SYNE2: variants seen among roughly 807,000 people sequenced by gnomAD.
SYNE2 encodes the protein nesprin-2.
A neutral mutation model predicts 856.3 loss-of-function variants in SYNE2; 431 were observed. The observed-to-expected ratio is 0.50, with a 90% CI of 0.47 to 0.55. The LOEUF is 0.55. Ranked by LOEUF, SYNE2 falls within the 20% of genes least tolerant of loss-of-function variation. SYNE2 has a pLI of 0.00. For missense variants in SYNE2, 8,129 were observed against 8,023.2 expected (o/e 1.01, Z -0.50); for synonymous variants, 2,923 against 2,872.3 (o/e 1.02, Z -0.56).
intron 97 of SYNE2, 78 bp from the exon 98 acceptor site, chr14:64,188,472 C>T (rs765980129): frequency 1.5e-4 from 231 of 1,536,432 alleles, no homozygotes; most frequent in Non-Finnish European, 1.9e-4. Flanking sequence ...ATGAATGAAA[C>T]TCAGTTTTTT....
At position 64,053,560 on chromosome 14, in the gene SYNE2, G is replaced by C; in HGVS notation, c.9647G>C (p.Arg3216Thr). 6.2e-7 allele frequency: 1 copy of C among 1,614,202 alleles called. No individual in the cohort carries two copies. Residue 3216 changes from arginine (R) to threonine (T), a missense_variant, in exon 48 of 116, where the codon AGA (arginine) becomes ACA (threonine). Arg to Thr is a moderately conservative substitution (Grantham distance 71). Coordinates refer to ENST00000555002, the MANE Select transcript of SYNE2 (RefSeq NM_182914.3). ...GCTGTGACTGCTATTGAGAAACAAA[G>C]AGAAGAAAACTCTTCTGAAGCGAGT... ...IKAVTAIEKQREENSSEASDV... is the reference protein window; with the variant it reads ...IKAVTAIEKQTEENSSEASDV...
intron 30 of SYNE2, among the ~76,000 whole-genome samples, chr14:64,004,457 G>A (rs1453566050): frequency 1.3e-5 from 2 of 151,906 alleles, no homozygotes; most frequent in Non-Finnish European, 2.9e-5. Context: ...CAGCCCCCCA[G>A]TAGCTGGGAT....
chr14:64,010,200 T>G, intron 32 of SYNE2, 84 bp downstream of exon 32: 4 of 1,432,008 alleles, frequency 2.8e-6, no homozygotes, highest in Non-Finnish European at 2.9e-6. Context: ...GATTAAGTCT[T>G]TTTTGAAACT....
At chr14:63,977,505 C>A (rs1183942703) in intron 12 of SYNE2, among the ~76,000 whole-genome samples, 1 of 152,170 alleles carries the variant, frequency 6.6e-6, no homozygotes, top group African/African-American at 2.4e-5. Context: ...AGCCACCACG[C>A]CCAGCCAAAA....
Position 64,014,727 on chromosome 14 carries a change from T to A in SYNE2, c.4729-1746T>A, listed in dbSNP as rs370447451. ...CGTGAGCCACCATGCCAGGCCTGCATGTTTATTTTTTAAGGAAACTGTCAA... is the reference window on the plus strand; with the variant it reads ...CGTGAGCCACCATGCCAGGCCTGCAAGTTTATTTTTTAAGGAAACTGTCAA... On this transcript the variant is annotated intron_variant, in intron 32 of 115. Coordinates refer to ENST00000555002, the MANE Select transcript of SYNE2 (RefSeq NM_182914.3). Among the ~76,000 whole-genome samples the A allele has an allele frequency of 1.2e-3, 181 of 152,042 alleles. 2 individuals carry two copies. The highest frequency in any genetic ancestry group is 3.9e-3 in the African/African-American group (162 of 41,494).
intron 2 of SYNE2, among the ~76,000 whole-genome samples, chr14:63,923,819 G>A (rs1448615455): frequency 7.8e-6 from 1 of 127,850 alleles, no homozygotes; most frequent in African/African-American, 3.0e-5. Context: ...TTTTTTTTTT[G>A]AGACAGTGTC....
chr14:63,770,708 T>C (rs893715583), intron 1 of SYNE2, among the ~76,000 whole-genome samples: 26 of 152,198 alleles, frequency 1.7e-4, no homozygotes, highest in African/African-American at 5.8e-4. Flanking sequence ...GAGGATCATT[T>C]GAGCTCAGGA....
In SYNE2 at chr14:63,911,172, C is replaced by T. The variant is rs543496207; in HGVS notation, c.79+1945C>T. ...GCCATATTCTCCCTGGTCCGCCAGC[C>T]TGTGTGCTTTCATTCAGATTGTTTC... is the stretch of plus-strand genomic sequence containing the variant. On this transcript the variant is annotated intron_variant, in intron 2 of 115. Coordinates refer to ENST00000555002, the MANE Select transcript of SYNE2 (RefSeq NM_182914.3). 9.9e-5 allele frequency among the ~76,000 whole-genome samples: 15 copies of T among 152,190 alleles called. No individual in the cohort carries two copies. The East Asian group carries it at 1.9e-3, about 20-fold the overall frequency.
chr14:64,002,924 T>A lies in SYNE2; in HGVS notation c.3991T>A (p.Ser1331Thr). Residue 1331 changes from serine to threonine, a missense_variant, in exon 30 of 116, where the codon TCT becomes ACT. Ser to Thr is a moderately conservative substitution (Grantham distance 58). Coordinates refer to ENST00000555002, the MANE Select transcript of SYNE2 (RefSeq NM_182914.3). ...CAAAGCTCTGGAAGACTTTTTGGCG[T>A]CTCTCAGAACAGCTAAACTCTCTGC... ...TLKALEDFLA[S>T]LRTAKLSAEP... 7 of 1,614,152 alleles carry A rather than the reference T, an allele frequency of 4.3e-6. No homozygotes were observed. Among genetic ancestry groups the A allele is most frequent in the Non-Finnish European group, 5.1e-6 (6 of 1,180,026 alleles).
chr14:63,851,980 G>C (rs1184239995), upstream of SYNE2, among the ~76,000 whole-genome samples: 186 of 4,000 alleles, frequency 0.046, 5 homozygotes, highest in African/African-American at 0.084. Context: ...CTAAGCGGGG[G>C]GGGGGGGGGG....
intron 39 of SYNE2, 130 bp downstream of exon 39, chr14:64,024,589 A>T (rs2096963118): frequency 1.1e-6 from 1 of 927,880 alleles, no homozygotes; most frequent in African/African-American, 1.7e-5. Context: ...GTACTTTTCA[A>T]TCCAGGTTTG....
rs1373324427 is a variant in SYNE2, at chr14:64,025,251, C to T, written c.6082C>T (p.Gln2028Ter). The change falls in exon 41 of 116, where the codon CAA becomes TAA. Residue 2028 changes from glutamine (Q) to a stop codon, truncating the protein, a stop_gained. Coordinates refer to ENST00000555002, the MANE Select transcript of SYNE2 (RefSeq NM_182914.3). LOFTEE classifies it high-confidence loss of function. ...GGATAGATACCAGACATTACTGAGA[C>T]AACTAAGTGAAATCGAGGAAGAGGA... is the stretch of plus-strand genomic sequence containing the variant. ...LMDRYQTLLR[Q>*]LSEIEEEDKL... 1 of 1,614,046 alleles carries T rather than the reference C, an allele frequency of 6.2e-7. No individual in the cohort carries two copies. Among genetic ancestry groups the T allele is most frequent in the South Asian group, 1.1e-5 (1 of 91,082 alleles).
intron 11 of SYNE2, among the ~76,000 whole-genome samples, chr14:63,971,530 T>C (rs538385813): frequency 6.6e-6 from 1 of 152,154 alleles, no homozygotes; most frequent in African/African-American, 2.4e-5. Flanking sequence ...TATATAAATA[T>C]ACATGACACA....
intron 54 of SYNE2, among the ~76,000 whole-genome samples, chr14:64,078,009 A>T (rs986116469): frequency 9.9e-5 from 15 of 152,150 alleles, no homozygotes; most frequent in South Asian, 4.1e-4. Flanking sequence ...ACATTTTTTT[A>T]AAAAAGTCAG....
chr14:63,793,568 A>G (rs1000370111), intron 1 of SYNE2, among the ~76,000 whole-genome samples: 2 of 152,148 alleles, frequency 1.3e-5, no homozygotes, highest in African/African-American at 4.8e-5. Context: ...TTCCCTATTC[A>G]GAGCATCAAA....
intron 2 of SYNE2, among the ~76,000 whole-genome samples, chr14:63,928,796 TA>T (rs1398480345): frequency 1.3e-5 from 2 of 152,222 alleles, no homozygotes; most frequent in African/African-American, 4.8e-5. Context: ...AACACATGGC[TA>T]AAATATGTTG....
chr14:64,007,271 A>G (rs777250455), intron 31 of SYNE2, 49 bp downstream of exon 31: 1 of 1,574,122 alleles, frequency 6.4e-7, no homozygotes, highest in Non-Finnish European at 8.7e-7. Context: ...TGTCTGTAGC[A>G]CAATTAACTT....
chr14:63,924,834 G>GTTTTTTTTTTTTTTT (rs1160819887), intron 2 of SYNE2, among the ~76,000 whole-genome samples: 5 of 56,414 alleles, frequency 8.9e-5, no homozygotes, highest in African/African-American at 1.7e-4. Context: ...CAGCCTTGGT[G>GTTTTTTTTTTTTTTT]TTTTTTTTTT....
intron 1 of SYNE2, among the ~76,000 whole-genome samples, chr14:63,784,899 G>A (rs778244789): frequency 1.3e-5 from 2 of 152,070 alleles, no homozygotes; most frequent in Admixed American, 6.6e-5. Flanking sequence ...GCACACATAT[G>A]TGTTTGTTTA....
Sources: allele counts gnomAD v4.1 joint callset (sites outside exome capture counted in the v4.1 genomes callset), GRCh38; gene constraint gnomAD v4.1.1; transcripts MANE v1.5; gene names NCBI Gene and HGNC (gene_info 2026-07-23, HGNC 2026-07-21).